Variants in PTPRD observed in about 807,000 individuals in gnomAD.
PTPRD encodes receptor-type tyrosine-protein phosphatase delta.
PTPRD carries 34 observed loss-of-function variants against 214.5 expected under a neutral mutation model. That is an observed-to-expected ratio of 0.16 (90% CI 0.12 to 0.21). PTPRD has a LOEUF of 0.21. Among genes scored for constraint, PTPRD ranks in the 10% least tolerant of loss-of-function variants. The pLI, the probability that PTPRD is intolerant of heterozygous loss-of-function variation, is 1.00. For missense variants in PTPRD, 2,545 were observed against 2,398.7 expected, an observed-to-expected ratio of 1.06 and a Z score of -1.27; for synonymous variants, 1,128 against 845.7, an observed-to-expected ratio of 1.33 and a Z score of -5.79.
intron 10 of PTPRD, among the ~76,000 whole-genome samples, chr9:9,044,611 A>C (rs2099665811): frequency 1.3e-5 from 2 of 152,200 alleles, no homozygotes; most frequent in Non-Finnish European, 2.9e-5. Flanking sequence ...TGTTAAATAA[A>C]AGCTGCACTT....
chr9:8,930,344 C>G (rs1272582703), intron 11 of PTPRD, among the ~76,000 whole-genome samples: 1 of 152,068 alleles, frequency 6.6e-6, no homozygotes, highest in East Asian at 1.9e-4. Context: ...GCCACATTTT[C>G]TTAATCCAGT....
In PTPRD at chr9:9,140,955, C is replaced by G. The variant is rs993133978; in HGVS notation, c.-143+42349G>C. Among the ~76,000 whole-genome samples, 4 of 152,068 alleles carry G rather than the reference C, an allele frequency of 2.6e-5. No individual in the cohort carries two copies. In the East Asian group the frequency reaches 7.7e-4, roughly 29 times the overall value. On this transcript the variant is annotated intron_variant, in intron 10 of 45. Coordinates refer to ENST00000381196, the MANE Select transcript of PTPRD (RefSeq NM_002839.4). The stretch of plus-strand genomic sequence containing the variant: ...AGCTGGACTACCTTTCTCAATTTCC[C>G]CTGTGGTTAGAAATTAGATTCGGTC...
intron 7 of PTPRD, among the ~76,000 whole-genome samples, chr9:9,719,314 C>A (rs2097892830): frequency 6.6e-6 from 1 of 152,132 alleles, no homozygotes; most frequent in Non-Finnish European, 1.5e-5. Context: ...TCTTCTTGGA[C>A]ATGGGACAAG....
intron 7 of PTPRD, among the ~76,000 whole-genome samples, chr9:9,640,074 G>C (rs2095887484): frequency 6.6e-6 from 1 of 152,090 alleles, no homozygotes; most frequent in African/African-American, 2.4e-5. Context: ...TTTCATCTTA[G>C]AGACCCATAC....
At chr9:9,658,246 T>C (rs1310987632) in intron 7 of PTPRD, among the ~76,000 whole-genome samples, 2 of 152,292 alleles carry the variant, frequency 1.3e-5, no homozygotes, top group East Asian at 3.9e-4. Context: ...ATCCAATTGC[T>C]CTGGAAGAAC....
intron 2 of PTPRD, among the ~76,000 whole-genome samples, chr9:10,508,054 A>T (rs1425458469): frequency 6.6e-6 from 1 of 151,938 alleles, no homozygotes; most frequent in Non-Finnish European, 1.5e-5. Context: ...TACTTATCTG[A>T]CAAAGGGCTA....
At chr9:9,283,317 T>A (rs554891243) in intron 9 of PTPRD, among the ~76,000 whole-genome samples, 1 of 151,606 alleles carries the variant, frequency 6.6e-6, no homozygotes, top group Non-Finnish European at 1.5e-5. Flanking sequence ...ATAACCCACA[T>A]TCAGAATTAA....
At chr9:9,009,497 G>A (rs1373942628) in intron 11 of PTPRD, among the ~76,000 whole-genome samples, 2 of 151,898 alleles carry the variant, frequency 1.3e-5, no homozygotes, top group African/African-American at 2.4e-5. Flanking sequence ...GTGCCATAGG[G>A]GTTTTCAGCA....
chr9:9,127,777 A>G (rs1185504462), intron 10 of PTPRD, among the ~76,000 whole-genome samples: 1 of 152,196 alleles, frequency 6.6e-6, no homozygotes, highest in Non-Finnish European at 1.5e-5. Context: ...AAGAGTAAAG[A>G]AAATAAGTTC....
At chr9:10,240,007 C>A (rs1388042277) in intron 3 of PTPRD, among the ~76,000 whole-genome samples, 1 of 151,926 alleles carries the variant, frequency 6.6e-6, no homozygotes, top group African/African-American at 2.4e-5. Context: ...CCAGAGGGTC[C>A]TACCCCATAC....
chr9:9,760,705 T>C (rs959006684), intron 6 of PTPRD, among the ~76,000 whole-genome samples: 1 of 150,946 alleles, frequency 6.6e-6, no homozygotes, highest in African/African-American at 2.4e-5. Context: ...AACTCAGCAG[T>C]TTACAAATAA....
chr9:9,839,095 T>C (rs1225266261), intron 5 of PTPRD, among the ~76,000 whole-genome samples: 1 of 152,144 alleles, frequency 6.6e-6, no homozygotes. Flanking sequence ...GGCGTTATTT[T>C]TGAGGGCTCT....
chr9:8,772,205 C>A (rs1220710079), intron 11 of PTPRD, among the ~76,000 whole-genome samples: 1 of 152,018 alleles, frequency 6.6e-6, no homozygotes, highest in Non-Finnish European at 1.5e-5. Flanking sequence ...CTTATTTTTA[C>A]ATAATTTTAT....
chr9:8,975,941 T>C (rs1425643759), intron 11 of PTPRD, among the ~76,000 whole-genome samples: 1 of 152,022 alleles, frequency 6.6e-6, no homozygotes, highest in Non-Finnish European at 1.5e-5. Context: ...AATATATAGA[T>C]ATGTTGTAAT....
chr9:8,935,232 A>T (rs939254272), intron 11 of PTPRD, among the ~76,000 whole-genome samples: 9 of 152,182 alleles, frequency 5.9e-5, no homozygotes, highest in Non-Finnish European at 1.3e-4. Context: ...AAACTGTTGG[A>T]AGTAATAAAA....
At chr9:10,459,594 T>G (rs924332614) in intron 2 of PTPRD, among the ~76,000 whole-genome samples, 7 of 152,154 alleles carry the variant, frequency 4.6e-5, no homozygotes, top group African/African-American at 1.7e-4. Context: ...ATCGCCATTC[T>G]AACTAACATG....
At chr9:9,894,873 TTC>T (rs1406726085) in intron 5 of PTPRD, among the ~76,000 whole-genome samples, 1 of 152,070 alleles carries the variant, frequency 6.6e-6, no homozygotes, top group African/African-American at 2.4e-5. Context: ...TTTGAGATGT[TTC>T]TCTGATTTTA....
chr9:9,544,581 A>G (rs1468817009), intron 8 of PTPRD, among the ~76,000 whole-genome samples: 1 of 151,680 alleles, frequency 6.6e-6, no homozygotes, highest in Non-Finnish European at 1.5e-5. Flanking sequence ...AACCACAAAG[A>G]ACATCAGTCA....
intron 4 of PTPRD, among the ~76,000 whole-genome samples, chr9:9,994,730 A>G (rs1198799710): frequency 1.3e-5 from 2 of 152,204 alleles, no homozygotes; most frequent in East Asian, 3.9e-4. Context: ...TTTACAATTG[A>G]ACAAATGTTT....
Sources: allele counts gnomAD v4.1 joint callset (sites outside exome capture counted in the v4.1 genomes callset), GRCh38; gene constraint gnomAD v4.1.1; transcripts MANE v1.5; gene names NCBI Gene and HGNC (gene_info 2026-07-23, HGNC 2026-07-21).